PRDM9: variants seen among roughly 807,000 people sequenced by gnomAD.
The protein encoded by PRDM9 is PR/SET domain 9.
Under a neutral mutation model 55.6 loss-of-function variants are expected in PRDM9, and 47 were observed. The observed-to-expected ratio is 0.85, with a 90% CI of 0.67 to 1.08. The LOEUF (loss-of-function observed/expected upper bound fraction) is 1.08, where lower values mean the gene tolerates loss of function less well. Among genes scored for constraint, PRDM9 ranks in the 50% least tolerant of loss-of-function variants. The pLI is 0.00. For missense variants in PRDM9, 867 were observed against 1,040.3 expected (o/e 0.83, Z 2.29); for synonymous variants, 312 against 375.7 (o/e 0.83, Z 1.96).
rs1341126725 is a variant in PRDM9, at chr5:23,526,867, A to G, written c.1779A>G (p.Ser593=). 4 of 1,604,112 alleles carry G rather than the reference A, an allele frequency of 2.5e-6. No homozygotes were observed. Among genetic ancestry groups the G allele is most frequent in the South Asian group, 1.1e-5 (1 of 90,114 alleles). The change falls in exon 11 of 11, where the codon TCA becomes TCG. Residue 593 remains serine (S), a synonymous_variant. Transcript: ENST00000296682. ...RECGRGFSWQ[S]VLLTHQRTHT... is the part of the protein sequence containing the mutation. ...GTGGGCGGGGCTTTAGCTGGCAGTC[A>G]GTCCTCCTCACTCACCAGAGGACAC...
In PRDM9 at chr5:23,527,727, G is replaced by C; in HGVS notation, c.2639G>C (p.Arg880Thr). ...AGGTCAAGCCTCTGCTATCACCAGA[G>C]GACACACACAGGGGAGAAGCCCTAC... Reference protein sequence around the residue: ...SDRSSLCYHQRTHTGEKPYVC... With the variant: ...SDRSSLCYHQTTHTGEKPYVC... The change falls in exon 11 of 11, where the codon AGG becomes ACG. Residue 880 changes from arginine to threonine, a missense_variant. By Grantham distance (71) the Arg-to-Thr change is moderately conservative (BLOSUM62 -1). This residue lies in a region of PRDM9 where 86 missense variants were observed against 73.6 expected (regional missense o/e 1.17). Coordinates refer to ENST00000296682, the MANE Select transcript of PRDM9 (RefSeq NM_020227.4). 3 of 1,613,484 alleles carry C rather than the reference G, an allele frequency of 1.9e-6. No homozygotes were observed. Among genetic ancestry groups the C allele is most frequent in the African/African-American group, 1.3e-5 (1 of 74,882 alleles).
chr5:23,522,538 C>T, intron 7 of PRDM9, 76 bp from the exon 8 acceptor site: 11 of 1,605,682 alleles, frequency 6.9e-6, no homozygotes, highest in African/African-American at 1.3e-5. Context: ...AATGTGAATG[C>T]CAAGCTCTTT....
chr5:23,511,154 G>A (rs988229131), intron 4 of PRDM9, among the ~76,000 whole-genome samples: 17 of 151,846 alleles, frequency 1.1e-4, no homozygotes, highest in African/African-American at 3.4e-4. Context: ...AGAAGACTCC[G>A]TCTCAGGGCG....
At chr5:23,521,264 C>G in intron 6 of PRDM9, 85 bp downstream of exon 6, 1 of 1,522,114 alleles carries the variant, frequency 6.6e-7, no homozygotes, top group South Asian at 1.1e-5. Flanking sequence ...GTGGGGTGGA[C>G]TTTGCATAGG....
intron 9 of PRDM9, 61 bp downstream of exon 9, chr5:23,523,419 C>T (rs1739373917): frequency 2.0e-6 from 3 of 1,525,202 alleles, no homozygotes; most frequent in Non-Finnish European, 2.7e-6. Context: ...AGCTGGATTT[C>T]CTTCCTTATC....
Position 23,526,447 on chromosome 5 carries a change from T to G in PRDM9, c.1359T>G (p.Gly453=). The G allele has an allele frequency of 1.2e-6, 2 of 1,613,900 alleles. No individual in the cohort carries two copies. Among genetic ancestry groups the G allele is most frequent in the Non-Finnish European group, 1.7e-6 (2 of 1,180,004 alleles). ...DPHSRNDKTK[G]QEIKERSKLL... ...ACAGCCGTAATGACAAAACCAAAGG[T>G]CAAGAGATCAAAGAAAGGTCCAAAC... is the stretch of plus-strand genomic sequence containing the variant. Residue 453 remains glycine, a synonymous_variant, in exon 11 of 11, where the codon GGT becomes GGG. Coordinates refer to ENST00000296682, the MANE Select transcript of PRDM9 (RefSeq NM_020227.4).
At chr5:23,519,958 C>T (rs867130193) in intron 5 of PRDM9, among the ~76,000 whole-genome samples, 17 of 151,598 alleles carry the variant, frequency 1.1e-4, no homozygotes, top group African/African-American at 3.9e-4. Context: ...GCAGGAGAAT[C>T]GCTTGAACCC....
intron 6 of PRDM9, 46 bp downstream of exon 6, chr5:23,521,225 A>G (rs763595033): frequency 1.2e-6 from 2 of 1,605,940 alleles, no homozygotes; most frequent in East Asian, 2.2e-5. Flanking sequence ...TATGTCCTCT[A>G]GAAAGGTTGA....
At chr5:23,509,208 G>A in intron 2 of PRDM9, 106 bp downstream of exon 2, 2 of 1,486,092 alleles carry the variant, frequency 1.3e-6, no homozygotes, top group Non-Finnish European at 1.9e-6. Context: ...AATGTGCATG[G>A]AATGGGGGCA....
chr5:23,522,193 A>C, intron 6 of PRDM9, 111 bp from the exon 7 acceptor site: 1 of 921,686 alleles, frequency 1.1e-6, no homozygotes, highest in East Asian at 2.4e-5. Flanking sequence ...GGGACACTAG[A>C]GTATGTAGAA....
chr5:23,521,316 A>C, intron 6 of PRDM9, 137 bp downstream of exon 6: 1 of 952,764 alleles, frequency 1.0e-6, no homozygotes, highest in Non-Finnish European at 1.6e-6. Flanking sequence ...CAGAAGGTAG[A>C]TGCAGTATTT....
chr5:23,511,574 T>C (rs2126409740), intron 4 of PRDM9, among the ~76,000 whole-genome samples: 1 of 152,220 alleles, frequency 6.6e-6, no homozygotes. Flanking sequence ...TTGAACTCCT[T>C]ACCCACCTCA....
chr5:23,523,648 A>G (rs1192510636), intron 9 of PRDM9, among the ~76,000 whole-genome samples: 1 of 152,208 alleles, frequency 6.6e-6, no homozygotes. Flanking sequence ...GCTTTAATTT[A>G]TGTAATCCAC....
rs551416570 is a variant in PRDM9, at chr5:23,520,990, G to A, written c.352-33G>A. Reference sequence around the variant, plus strand: ...GCCGTAAAGAACTAAAGAAATTCGTGTTGTCTTTTAATATGTGACTCTCAC... The same window carrying A: ...GCCGTAAAGAACTAAAGAAATTCGTATTGTCTTTTAATATGTGACTCTCAC... On this transcript the variant is annotated intron_variant, in intron 5 of 10. Coordinates refer to ENST00000296682, the MANE Select transcript of PRDM9 (RefSeq NM_020227.4). 5 of 1,611,732 alleles carry A rather than the reference G, an allele frequency of 3.1e-6. No individual in the cohort carries two copies. In the African/African-American group the frequency reaches 6.7e-5, roughly 21 times the overall value.
chr5:23,525,927 G>C (rs1294477672), intron 10 of PRDM9, among the ~76,000 whole-genome samples: 1 of 152,192 alleles, frequency 6.6e-6, no homozygotes, highest in African/African-American at 2.4e-5. Flanking sequence ...TACCTGCAGT[G>C]TGGGGAAAAG....
At chr5:23,523,608 G>T (rs1231751263) in intron 9 of PRDM9, among the ~76,000 whole-genome samples, 1 of 152,142 alleles carries the variant, frequency 6.6e-6, no homozygotes, top group Non-Finnish European at 1.5e-5. Flanking sequence ...ACCTTGAGAA[G>T]CCTAGATTCA....
chr5:23,514,006 G>A (rs182594177), intron 4 of PRDM9, among the ~76,000 whole-genome samples: 11 of 152,252 alleles, frequency 7.2e-5, no homozygotes, highest in Admixed American at 3.9e-4. Flanking sequence ...AAATTTCTCC[G>A]CATCTTCGCC....
intron 7 of PRDM9, 78 bp from the exon 8 acceptor site, chr5:23,522,536 T>C: frequency 1.2e-6 from 2 of 1,603,964 alleles, no homozygotes; most frequent in Middle Eastern, 1.7e-4. Flanking sequence ...ATAATGTGAA[T>C]GCCAAGCTCT....
At chr5:23,523,557 C>T (rs1435479998) in intron 9 of PRDM9, among the ~76,000 whole-genome samples, 199 bp downstream of exon 9, 1 of 152,028 alleles carries the variant, frequency 6.6e-6, no homozygotes, top group African/African-American at 2.4e-5. Flanking sequence ...GGTATCAAAA[C>T]ATAAATATGT....
Sources: allele counts gnomAD v4.1 joint callset (sites outside exome capture counted in the v4.1 genomes callset), GRCh38; gene constraint gnomAD v4.1.1; regional missense constraint gnomAD v4.1.1; transcripts MANE v1.5; gene names NCBI Gene and HGNC (gene_info 2026-07-23, HGNC 2026-07-21).